Variants in GMPS observed in about 807,000 individuals in gnomAD.
GMPS encodes GMP synthase [glutamine-hydrolyzing].
In GMPS, 15 loss-of-function variants were observed where a neutral mutation model predicts 77.9. That is an observed-to-expected ratio of 0.19 (90% CI 0.13 to 0.30). GMPS has a LOEUF of 0.30. Ranked by LOEUF, GMPS falls within the 10% of genes least tolerant of loss-of-function variation. The pLI, the probability that GMPS is intolerant of heterozygous loss-of-function variation, is 1.00. For missense variants in GMPS, 590 were observed against 838.8 expected (o/e 0.70, Z 3.66); for synonymous variants, 224 against 275.9 (o/e 0.81, Z 1.86).
At chr3:155,894,953 A>G (rs1754565026) in intron 2 of GMPS, among the ~76,000 whole-genome samples, 1 of 152,198 alleles carries the variant, frequency 6.6e-6, no homozygotes, top group South Asian at 2.1e-4. Flanking sequence ...TTTTAGAGGG[A>G]TCAAAAAACT....
intron 1 of GMPS, among the ~76,000 whole-genome samples, chr3:155,886,407 C>T (rs187617714): frequency 2.0e-5 from 3 of 150,972 alleles, no homozygotes; most frequent in African/African-American, 7.3e-5. Flanking sequence ...AACCCCGTCT[C>T]TACTAAAAAT....
Position 155,897,937 on chromosome 3 carries a change from A to G in GMPS, c.220A>G (p.Ile74Val), listed in dbSNP as rs765630904. 1 of 1,533,324 alleles carries G rather than the reference A, an allele frequency of 6.5e-7. No homozygotes were observed. The highest frequency in any genetic ancestry group is 9.0e-7 in the Non-Finnish European group (1 of 1,106,456). 95.0% of individuals were successfully genotyped at this position (1,533,324 alleles called of 1,614,324 possible). The stretch of plus-strand genomic sequence containing the variant: ...TTCCTTAAATCACAGTGCTATTATC[A>G]TCTCTGGAGGACCTAATTCTGTGTA... Reference protein sequence around the residue: ...IKEQGFRAIIISGGPNSVYAE... With the variant: ...IKEQGFRAIIVSGGPNSVYAE... The change falls in exon 3 of 16, where the codon ATC becomes GTC. Residue 74 changes from isoleucine to valine, a missense_variant. By Grantham distance (29) the Ile-to-Val change is conservative (BLOSUM62 3). Around this residue, in one of 6 missense-constraint regions of GMPS, gnomAD observed 136 missense variants for 225.6 expected, o/e 0.60. Coordinates refer to ENST00000496455, the MANE Select transcript of GMPS (RefSeq NM_003875.3).
chr3:155,895,155 C>G (rs1345483067), intron 2 of GMPS, among the ~76,000 whole-genome samples: 6 of 152,142 alleles, frequency 3.9e-5, no homozygotes, highest in African/African-American at 1.4e-4. Flanking sequence ...TCAGCTTGTA[C>G]CTAGAATTTC....
At chr3:155,870,930 C>T (rs977599961) in intron 1 of GMPS, 33 bp downstream of exon 1, 71 of 1,441,316 alleles carry the variant, frequency 4.9e-5, no homozygotes, top group Non-Finnish European at 6.3e-5. Context: ...CACCGCATCC[C>T]GGCGGAGGCG....
At chr3:155,895,794 A>G (rs1022736601) in intron 2 of GMPS, among the ~76,000 whole-genome samples, 4 of 152,138 alleles carry the variant, frequency 2.6e-5, no homozygotes, top group African/African-American at 9.7e-5. Context: ...TTTAAGTACT[A>G]CTTGAGTTTT....
intron 1 of GMPS, among the ~76,000 whole-genome samples, chr3:155,880,870 T>C (rs1296264570): frequency 6.6e-6 from 1 of 152,178 alleles, no homozygotes; most frequent in East Asian, 1.9e-4. Context: ...CTCTGATGTC[T>C]TTCCTTCATT....
At chr3:155,932,322 AAAAC>A (rs1288214177) in intron 13 of GMPS, among the ~76,000 whole-genome samples, 3 of 151,218 alleles carry the variant, frequency 2.0e-5, no homozygotes, top group Admixed American at 2.0e-4. Context: ...ACACCCCTAC[AAAAC>A]AAACAACCCC....
intron 3 of GMPS, among the ~76,000 whole-genome samples, chr3:155,899,584 T>C (rs1754685053): frequency 2.0e-5 from 3 of 152,200 alleles, no homozygotes; most frequent in Admixed American, 6.5e-5. Context: ...ACATTTGATA[T>C]AACTGATGAA....
At chr3:155,907,400 A>G (rs1171292801) in intron 5 of GMPS, among the ~76,000 whole-genome samples, 2 of 152,100 alleles carry the variant, frequency 1.3e-5, no homozygotes, top group Non-Finnish European at 2.9e-5. Flanking sequence ...TGGGCACCAT[A>G]GTGAGACCCC....
chr3:155,932,524 T>G (rs1011226627), intron 13 of GMPS, among the ~76,000 whole-genome samples: 5 of 152,260 alleles, frequency 3.3e-5, no homozygotes, highest in Non-Finnish European at 7.3e-5. Flanking sequence ...ACAGCTGATT[T>G]ATAATCTATT....
chr3:155,891,588 A>G (rs1176495020), intron 1 of GMPS, among the ~76,000 whole-genome samples: 2 of 147,758 alleles, frequency 1.4e-5, no homozygotes, highest in African/African-American at 2.5e-5. Context: ...TCTGTAGATG[A>G]CTGATTTGTT....
At chr3:155,871,020 C>T (rs1193669893) in intron 1 of GMPS, 123 bp downstream of exon 1, 31 of 856,522 alleles carry the variant, frequency 3.6e-5, no homozygotes, top group Non-Finnish European at 4.5e-5. Flanking sequence ...CCCTGCGCCC[C>T]GGGCAGCCAC....
chr3:155,900,809 A>G (rs1754716828), intron 3 of GMPS, among the ~76,000 whole-genome samples: 1 of 152,172 alleles, frequency 6.6e-6, no homozygotes, highest in Non-Finnish European at 1.5e-5. Flanking sequence ...CCTTCCATAA[A>G]ATAATGATAT....
intron 13 of GMPS, 43 bp downstream of exon 13, chr3:155,931,923 G>A: frequency 1.1e-6 from 1 of 876,564 alleles, no homozygotes; most frequent in Non-Finnish European, 1.9e-6. Flanking sequence ...TGTAATGGAA[G>A]GATGTATTTC....
At chr3:155,876,127 C>T (rs1754044453) in intron 1 of GMPS, among the ~76,000 whole-genome samples, 1 of 152,158 alleles carries the variant, frequency 6.6e-6, no homozygotes, top group African/African-American at 2.4e-5. Context: ...TACACAGGGA[C>T]ATATAACATC....
In GMPS at chr3:155,906,244, T is replaced by C. The variant is rs1754878077; in HGVS notation, c.507T>C (p.Arg169=). ...KVADGFKVVA[R]SGNIVAGIAN... Reference sequence around the variant, plus strand: ...CTGATGGATTCAAGGTTGTGGCACGTTCTGGAAACATAGTAGCAGGTGAAA... The same window carrying C: ...CTGATGGATTCAAGGTTGTGGCACGCTCTGGAAACATAGTAGCAGGTGAAA... The change falls in exon 5 of 16, where the codon CGT becomes CGC. Residue 169 remains arginine, a synonymous_variant. Transcript: ENST00000496455. The C allele has an allele frequency of 3.1e-6, 5 of 1,608,378 alleles. No individual in the cohort carries two copies. In the East Asian group the frequency reaches 1.1e-4, roughly 36 times the overall value.
Position 155,897,937 on chromosome 3 carries a change from A to C in GMPS, c.220A>C (p.Ile74Leu). 6.5e-7 allele frequency: 1 copy of C among 1,533,324 alleles called. No homozygotes were observed. Among genetic ancestry groups the C allele is most frequent in the Non-Finnish European group, 9.0e-7 (1 of 1,106,456 alleles). 95.0% of individuals were successfully genotyped at this position (1,533,324 alleles called of 1,614,324 possible). Residue 74 changes from isoleucine (I) to leucine (L), a missense_variant, in exon 3 of 16, where the codon ATC (isoleucine) becomes CTC (leucine). Coordinates refer to ENST00000496455, the MANE Select transcript of GMPS (RefSeq NM_003875.3). ...IKEQGFRAII[I>L]SGGPNSVYAE... Reference sequence around the variant, plus strand: ...TTCCTTAAATCACAGTGCTATTATCATCTCTGGAGGACCTAATTCTGTGTA... The same window carrying C: ...TTCCTTAAATCACAGTGCTATTATCCTCTCTGGAGGACCTAATTCTGTGTA...
At chr3:155,922,104 G>A (rs1038785984) in intron 10 of GMPS, 83 bp from the exon 11 acceptor site, 1 of 602,954 alleles carries the variant, frequency 1.7e-6, no homozygotes, top group Non-Finnish European at 2.8e-6. Context: ...TTTATGTTTT[G>A]AAACTAGTGG....
At chr3:155,873,601 T>C (rs1340560187) in intron 1 of GMPS, among the ~76,000 whole-genome samples, 1 of 150,016 alleles carries the variant, frequency 6.7e-6, no homozygotes, top group East Asian at 2.0e-4. Context: ...CCGTATGTTA[T>C]TGGGGAGCAG....
Sources: gnomAD v4.1 joint callset for allele counts (sites outside exome capture counted in the v4.1 genomes callset) on GRCh38, gnomAD v4.1.1 for gene constraint, gnomAD v4.1.1 regional missense constraint, MANE v1.5 for transcripts, NCBI Gene and HGNC (gene_info 2026-07-23, HGNC 2026-07-21) for gene names.